ZNF565: variants seen among roughly 807,000 people sequenced by gnomAD.
ZNF565 encodes the protein zinc finger protein 565.
ZNF565 carries 27 observed loss-of-function variants against 39.4 expected under a neutral mutation model. The observed-to-expected ratio is 0.69, with a 90% CI of 0.51 to 0.95. ZNF565 has a LOEUF of 0.95. Among genes scored for constraint, ZNF565 ranks in the 40% least tolerant of loss-of-function variants. The pLI is 0.00. For missense variants in ZNF565, 524 were observed against 621.1 expected, an observed-to-expected ratio of 0.84 and a Z score of 1.66; for synonymous variants, 185 against 216.6, an observed-to-expected ratio of 0.85 and a Z score of 1.28.
At chr19:36,232,212 AC>A (rs1240481738) in intron 1 of ZNF565, among the ~76,000 whole-genome samples, 14 of 145,022 alleles carry the variant, frequency 9.7e-5, no homozygotes, top group South Asian at 4.5e-4. Flanking sequence ...AAAAAAAAAA[AC>A]ATACAAATTA....
intron 1 of ZNF565, among the ~76,000 whole-genome samples, chr19:36,221,927 C>CTTTTTTTTTTTTTT (rs60347994): frequency 2.7e-5 from 3 of 109,888 alleles, no homozygotes; most frequent in South Asian, 3.1e-4. Context: ...TTTTTTCTTT[C>CTTTTTTTTTTTTTT]TTTTTTTTTT....
At chr19:36,198,277 A>G (rs1189643369) in intron 2 of ZNF565, among the ~76,000 whole-genome samples, 3 of 152,208 alleles carry the variant, frequency 2.0e-5, no homozygotes, top group Admixed American at 6.5e-5. Context: ...AATGTGGTAC[A>G]TATACACAAT....
chr19:36,228,486 A>G (rs1977181448), intron 1 of ZNF565: 1 of 152,130 alleles, frequency 6.6e-6, no homozygotes, highest in African/African-American at 2.4e-5. Flanking sequence ...CCTTTCTCCC[A>G]TTTCTGGATG....
intron 4 of ZNF565, among the ~76,000 whole-genome samples, chr19:36,191,254 A>C (rs1213471149): frequency 6.6e-6 from 1 of 151,582 alleles, no homozygotes; most frequent in Admixed American, 6.6e-5. Flanking sequence ...AAAGATGTTA[A>C]GGTCTTGCTT....
intron 1 of ZNF565, among the ~76,000 whole-genome samples, chr19:36,205,398 G>A (rs1284348875): frequency 1.3e-5 from 2 of 152,044 alleles, no homozygotes; most frequent in Non-Finnish European, 2.9e-5. Flanking sequence ...ATGGTGGGGG[G>A]CGCTTATAAT....
intron 1 of ZNF565, among the ~76,000 whole-genome samples, chr19:36,234,570 TG>T (rs1428296251): frequency 1.3e-5 from 2 of 152,184 alleles, no homozygotes; most frequent in Non-Finnish European, 2.9e-5. Flanking sequence ...GCTAATTTTT[TG>T]TATTTTTAGT....
At chr19:36,221,284 C>CTTTTTTTTTTT (rs74172797) in intron 1 of ZNF565, among the ~76,000 whole-genome samples, 1 of 98,700 alleles carries the variant, frequency 1.0e-5, no homozygotes, top group Non-Finnish European at 1.9e-5. Flanking sequence ...TAAGGGACTG[C>CTTTTTTTTTTT]TTTTTTTTTT....
At chr19:36,203,124 C>A (rs1239647449) in intron 1 of ZNF565, among the ~76,000 whole-genome samples, 2 of 151,916 alleles carry the variant, frequency 1.3e-5, no homozygotes, top group Non-Finnish European at 2.9e-5. Flanking sequence ...CACCTGAGGT[C>A]GGGAGTTCGA....
intron 4 of ZNF565, among the ~76,000 whole-genome samples, chr19:36,191,686 A>C (rs1054912482): frequency 1.3e-5 from 2 of 152,172 alleles, no homozygotes; most frequent in African/African-American, 2.4e-5. Flanking sequence ...ACTCATCGTG[A>C]TATAAAGAAA....
Position 36,245,724 on chromosome 19 carries a change from C to T in ZNF565, c.-194G>A, listed in dbSNP as rs112645161. The T allele has an allele frequency of 6.3e-3, 3,668 of 578,282 alleles. 23 individuals carry two copies. The highest frequency in any genetic ancestry group is 8.0e-3 in the Non-Finnish European group (2,592 of 325,030). The allele number at this position is 578,282 out of a possible 1,614,324, so 35.8% of individuals were successfully genotyped here. On this transcript the variant is annotated 5_prime_UTR_variant, in exon 1 of 5. Transcript: ENST00000355114. This position sits in a 1 kb window ranked among gnomAD's most constrained non-coding sequence, Gnocchi z 4.4. The stretch of plus-strand genomic sequence containing the variant: ...GTTGACGATGCCTCGAGCTATGACC[C>T]ACCCTGGCTCCGTCCACGGTTGTCG...
chr19:36,197,405 G>C lies in ZNF565; in HGVS notation c.10-2249C>G, dbSNP rs147738204. ...GAGAATCGCTTGAACCCGCGAGGTG[G>C]AGGTTGCAGTGAGCTGAGATTGCGC... On this transcript the variant is annotated intron_variant, in intron 2 of 4. Coordinates refer to ENST00000304116, the MANE Select transcript of ZNF565 (RefSeq NM_152477.5). 2.6e-3 allele frequency among the ~76,000 whole-genome samples: 401 copies of C among 152,202 alleles called. 3 individuals carry two copies. The highest frequency in any genetic ancestry group is 8.9e-3 in the African/African-American group (371 of 41,540).
At chr19:36,237,453 A>G in intron 1 of ZNF565, 5 of 1,121,340 alleles carry the variant, frequency 4.5e-6, no homozygotes, top group Non-Finnish European at 4.9e-6. Context: ...AACTTAAGGG[A>G]CACCAGAAAA....
Position 36,183,292 on chromosome 19 carries a change from CA to C in ZNF565, c.673del (p.Cys225ValfsTer42). ...RIHTGEKPYDCKDCGKAFGRT... is the reference protein window; with the variant it reads ...RIHTGEKPYDXKDCGKAFGRT... Reference sequence around the variant, plus strand: ...ACCAAAGGCCTTCCCACAGTCCTTACAGTCATAAGGTTTCTCACCCGTGTGA... The same window carrying C: ...ACCAAAGGCCTTCCCACAGTCCTTACGTCATAAGGTTTCTCACCCGTGTGA... On this transcript the variant is annotated frameshift_variant, in exon 5 of 5. Coordinates refer to ENST00000304116, the MANE Select transcript of ZNF565 (RefSeq NM_152477.5). LOFTEE classifies it high-confidence loss of function. The C allele has an allele frequency of 6.2e-7, 1 of 1,614,178 alleles. No individual in the cohort carries two copies.
chr19:36,233,240 G>C (rs886698455), intron 1 of ZNF565, among the ~76,000 whole-genome samples: 37 of 152,026 alleles, frequency 2.4e-4, no homozygotes, highest in Admixed American at 3.3e-4. Flanking sequence ...AAAATTAGGC[G>C]TGGTGATGCA....
rs73614220 is a variant in ZNF565, at chr19:36,234,916, C to G, written c.55+10560G>C. ...ACTGGACAGTGCATGTTCAACTGTT[C>G]CTTACACTTTTTTTTCAGCCACCAT... On this transcript the variant is annotated intron_variant, in intron 1 of 4. Transcript: ENST00000355114. Among the ~76,000 whole-genome samples, 1,330 of 152,192 alleles carry G rather than the reference C, an allele frequency of 8.7e-3. 21 individuals are homozygous for G. The highest frequency in any genetic ancestry group is 0.031 in the African/African-American group (1,291 of 41,540).
chr19:36,194,753 G>C, intron 3 of ZNF565: 1 of 553,890 alleles, frequency 1.8e-6, no homozygotes, highest in Non-Finnish European at 3.3e-6. Context: ...CTTCTCATTG[G>C]CTTTGGCAGA....
chr19:36,218,332 A>G (rs1387043239), upstream of ZNF565: 1 of 152,114 alleles, frequency 6.6e-6, no homozygotes, highest in Non-Finnish European at 1.5e-5. Flanking sequence ...AGTGTGTAGT[A>G]AGTACTTGAT....
intron 1 of ZNF565, among the ~76,000 whole-genome samples, chr19:36,221,927 CTTTTTTTTT>C (rs60347994): frequency 1.0e-3 from 113 of 109,890 alleles, no homozygotes; most frequent in South Asian, 3.4e-3. Context: ...TTTTTTCTTT[CTTTTTTTTT>C]TTTTTTTTTT....
At chr19:36,238,450 A>G (rs1331204898) in intron 1 of ZNF565, 2 of 167,094 alleles carry the variant, frequency 1.2e-5, no homozygotes, top group African/African-American at 4.8e-5. Flanking sequence ...TCAGCTTTTT[A>G]TATAAACATC....
Sources: gnomAD v4.1 joint callset for allele counts (sites outside exome capture counted in the v4.1 genomes callset) on GRCh38, gnomAD v4.1.1 for gene constraint, Gnocchi (gnomAD v3.1) non-coding constraint, MANE v1.5 for transcripts, NCBI Gene and HGNC (gene_info 2026-07-23, HGNC 2026-07-21) for gene names.